Variants in CRYL1 observed in about 807,000 individuals in gnomAD.
CRYL1 encodes the protein lambda-crystallin homolog.
CRYL1 carries 29 observed loss-of-function variants against 36.6 expected under a neutral mutation model. The ratio of observed to expected loss-of-function variants is 0.79; its 90% CI spans 0.59 to 1.08. The LOEUF (loss-of-function observed/expected upper bound fraction) is 1.08, where lower values mean the gene tolerates loss of function less well. CRYL1 is among the 50% of genes least tolerant of loss of function. The pLI, the probability that CRYL1 is intolerant of heterozygous loss-of-function variation, is 0.00. For missense variants in CRYL1, 411 were observed against 407.9 expected, an observed-to-expected ratio of 1.01 and a Z score of -0.06; for synonymous variants, 152 against 151.5, an observed-to-expected ratio of 1.00 and a Z score of -0.02.
chr13:20,423,916 G>A (rs1446982701), intron 5 of CRYL1, among the ~76,000 whole-genome samples: 2 of 151,854 alleles, frequency 1.3e-5, no homozygotes, highest in East Asian at 1.9e-4. Flanking sequence ...GACTACAGGT[G>A]CACAGCACCA....
intron 6 of CRYL1, among the ~76,000 whole-genome samples, chr13:20,411,597 C>T (rs1593426643): frequency 6.6e-6 from 1 of 152,188 alleles, no homozygotes; most frequent in Non-Finnish European, 1.5e-5. Flanking sequence ...AATCTATATA[C>T]ATTTCAAATG....
Position 20,404,678 on chromosome 13 carries a change from G to C in CRYL1, c.803C>G (p.Pro268Arg). 1.2e-6 allele frequency: 2 copies of C among 1,613,966 alleles called. No individual in the cohort carries two copies. Among genetic ancestry groups the C allele is most frequent in the Non-Finnish European group, 1.7e-6 (2 of 1,179,846 alleles). Reference sequence around the variant, plus strand: ...AGTGGCCCTGGAAAACTCTGGAATGGGTCCAAAAGTCTGTAGGACATGTTT... The same window carrying C: ...AGTGGCCCTGGAAAACTCTGGAATGCGTCCAAAAGTCTGTAGGACATGTTT... ...GIKHVLQTFG[P>R]IPEFSRATAE... The change falls in exon 7 of 8, where the codon CCC (proline) becomes CGC (arginine). Residue 268 changes from proline to arginine, a missense_variant. Transcript: ENST00000298248.
chr13:20,405,729 C>T (rs1007061856), intron 6 of CRYL1, among the ~76,000 whole-genome samples: 1 of 152,088 alleles, frequency 6.6e-6, no homozygotes, highest in African/African-American at 2.4e-5. Context: ...AGGAGAGGGC[C>T]CTGGGACTTT....
chr13:20,416,370 C>A (rs1484768656), intron 5 of CRYL1, among the ~76,000 whole-genome samples: 1 of 152,208 alleles, frequency 6.6e-6, no homozygotes, highest in Non-Finnish European at 1.5e-5. Flanking sequence ...CAGAAACTCC[C>A]GGAACCGTCA....
chr13:20,423,349 T>G (rs967978354), intron 5 of CRYL1, among the ~76,000 whole-genome samples: 1 of 152,236 alleles, frequency 6.6e-6, no homozygotes, highest in Non-Finnish European at 1.5e-5. Context: ...GTTCCTAATC[T>G]TAGAAGAAAA....
intron 5 of CRYL1, among the ~76,000 whole-genome samples, chr13:20,424,219 C>T (rs2031883411): frequency 6.6e-6 from 1 of 152,194 alleles, no homozygotes; most frequent in Admixed American, 6.5e-5. Context: ...ACACAGGTCT[C>T]AATTAACCAG....
At chr13:20,404,368 A>T in intron 7 of CRYL1, 126 bp from the exon 8 acceptor site, 1 of 656,940 alleles carries the variant, frequency 1.5e-6, no homozygotes, top group South Asian at 1.9e-5. Flanking sequence ...ATAAACCCTC[A>T]ATGAACAGCA....
chr13:20,476,661 C>T (rs2033173371), intron 3 of CRYL1, among the ~76,000 whole-genome samples: 1 of 152,234 alleles, frequency 6.6e-6, no homozygotes, highest in African/African-American at 2.4e-5. Context: ...GCACCGAGTT[C>T]TGCAGGTGTC....
intron 5 of CRYL1, among the ~76,000 whole-genome samples, chr13:20,416,649 C>T (rs2031673986): frequency 6.6e-6 from 1 of 152,162 alleles, no homozygotes; most frequent in South Asian, 2.1e-4. Context: ...TGGAAGCCAC[C>T]CTATACTTGC....
At chr13:20,455,999 G>T (rs1044747402) in intron 3 of CRYL1, among the ~76,000 whole-genome samples, 1 of 152,138 alleles carries the variant, frequency 6.6e-6, no homozygotes, top group African/African-American at 2.4e-5. Flanking sequence ...AAAAGATAGG[G>T]TTCAACAAAT....
intron 5 of CRYL1, chr13:20,431,352 A>G: frequency 3.0e-6 from 3 of 985,328 alleles, no homozygotes; most frequent in Non-Finnish European, 1.2e-6. Flanking sequence ...TGAGCCTTCC[A>G]CAATGTTTTT....
At chr13:20,432,079 G>A in intron 5 of CRYL1, 23 bp downstream of exon 5, 1 of 1,613,984 alleles carries the variant, frequency 6.2e-7, no homozygotes, top group Admixed American at 1.7e-5. Context: ...AGGGAGGGAG[G>A]GAGAGAGGAC....
At chr13:20,411,188 A>G (rs2031514281) in intron 6 of CRYL1, among the ~76,000 whole-genome samples, 1 of 152,186 alleles carries the variant, frequency 6.6e-6, no homozygotes, top group African/African-American at 2.4e-5. Flanking sequence ...AGAATGATAA[A>G]CATTTCTATG....
chr13:20,420,134 A>G (rs959621589), intron 5 of CRYL1, among the ~76,000 whole-genome samples: 2 of 152,268 alleles, frequency 1.3e-5, no homozygotes, highest in African/African-American at 2.4e-5. Context: ...TAACGCTACA[A>G]GGGTTGATTG....
intron 2 of CRYL1, among the ~76,000 whole-genome samples, chr13:20,507,993 C>A (rs1206010076): frequency 6.6e-6 from 1 of 151,550 alleles, no homozygotes; most frequent in Non-Finnish European, 1.5e-5. Context: ...GTAATCCCAG[C>A]ACCTTGGGAG....
rs2137530276 is a variant in CRYL1 at position 20,525,749 on chromosome 13, T to C, written c.41+5A>G. 7.5e-7 allele frequency: 1 copy of C among 1,335,272 alleles called. No homozygotes were observed. The highest frequency in any genetic ancestry group is 3.1e-5 in the East Asian group (1 of 31,986). 82.7% of individuals were successfully genotyped at this position (1,335,272 alleles called of 1,614,324 possible). A position where few individuals can be genotyped will look rare whatever the true frequency, so the allele number is the denominator to read the frequency against. ...GGGGCAGCAGCGCGGCTCGGAGCCC[T>C]TTACCTGCCAACGATCACCACGCAG... On this transcript the variant is annotated splice_donor_5th_base_variant and intron_variant, in intron 1 of 7. Coordinates refer to ENST00000298248, the MANE Select transcript of CRYL1 (RefSeq NM_015974.3). This position sits in a 1 kb window ranked among gnomAD's most constrained non-coding sequence, Gnocchi z 4.3.
chr13:20,525,698 C>T lies in CRYL1; in HGVS notation c.41+56G>A. ...CCGAGGGCCCCACGCGAGGGCACCA[C>T]GTCCCCGGCGTCTCCCCGGGCTCCA... On this transcript the variant is annotated intron_variant, in intron 1 of 7. Transcript: ENST00000298248. The surrounding 1 kb of genome is among the most constrained non-coding windows in gnomAD (Gnocchi z 4.3). The T allele has an allele frequency of 7.7e-7, 1 of 1,306,762 alleles. No homozygotes were observed. The highest frequency in any genetic ancestry group is 2.0e-5 in the South Asian group (1 of 48,848). The allele number at this position is 1,306,762 out of a possible 1,614,324, so 80.9% of individuals were successfully genotyped here. A position where few individuals can be genotyped will look rare whatever the true frequency, so the allele number is the denominator to read the frequency against.
chr13:20,504,465 A>G (rs530645504), intron 2 of CRYL1, among the ~76,000 whole-genome samples: 12 of 151,672 alleles, frequency 7.9e-5, no homozygotes, highest in South Asian at 2.1e-4. Flanking sequence ...CATCACGCCC[A>G]GCTGATTTTT....
intron 3 of CRYL1, among the ~76,000 whole-genome samples, chr13:20,478,261 A>G (rs2033205409): frequency 6.6e-6 from 1 of 152,164 alleles, no homozygotes; most frequent in Non-Finnish European, 1.5e-5. Flanking sequence ...TATATTTTCT[A>G]CTTAACAGAC....
Sources: gnomAD v4.1 joint callset for allele counts (sites outside exome capture counted in the v4.1 genomes callset) on GRCh38, gnomAD v4.1.1 for gene constraint, Gnocchi (gnomAD v3.1) non-coding constraint, MANE v1.5 for transcripts, NCBI Gene and HGNC (gene_info 2026-07-23, HGNC 2026-07-21) for gene names.